Variants in EXT1 observed in about 807,000 individuals in gnomAD.
The protein encoded by EXT1 is exostosin-1.
A neutral mutation model predicts 82.5 loss-of-function variants in EXT1; 20 were observed. The ratio of observed to expected loss-of-function variants is 0.24; its 90% CI spans 0.17 to 0.35. EXT1 has a LOEUF of 0.35. Ranked by LOEUF, EXT1 falls within the 10% of genes least tolerant of loss-of-function variation. The pLI, the probability that EXT1 is intolerant of heterozygous loss-of-function variation, is 1.00. For missense variants in EXT1, 757 were observed against 936.5 expected (o/e 0.81, Z 2.50); for synonymous variants, 348 against 350.8 (o/e 0.99, Z 0.09).
At chr8:117,998,090 T>C (rs1438239955) in intron 1 of EXT1, among the ~76,000 whole-genome samples, 8 of 151,198 alleles carry the variant, frequency 5.3e-5, no homozygotes, top group African/African-American at 1.9e-4. Flanking sequence ...CTTGGCTCAC[T>C]GCAACCTCCG....
intron 1 of EXT1, among the ~76,000 whole-genome samples, chr8:118,008,967 A>G (rs781767588): frequency 6.6e-6 from 1 of 152,182 alleles, no homozygotes; most frequent in African/African-American, 2.4e-5. Flanking sequence ...TTATCTACGC[A>G]AGTATATCTG....
chr8:117,992,770 G>A (rs566365921), intron 1 of EXT1, among the ~76,000 whole-genome samples: 2 of 152,284 alleles, frequency 1.3e-5, no homozygotes, highest in African/African-American at 2.4e-5. Flanking sequence ...CAGGAGGATC[G>A]CCATAACAAG....
chr8:118,054,001 G>C (rs1262587962), intron 1 of EXT1, among the ~76,000 whole-genome samples: 1 of 152,188 alleles, frequency 6.6e-6, no homozygotes, highest in East Asian at 1.9e-4. Context: ...CATGTGTATG[G>C]GGGTGAAGAA....
chr8:118,107,848 G>C (rs2130036113), intron 1 of EXT1, among the ~76,000 whole-genome samples: 1 of 152,274 alleles, frequency 6.6e-6, no homozygotes, highest in African/African-American at 2.4e-5. Context: ...ACCATCCCGG[G>C]CTACATGCAA....
At chr8:117,984,782 C>A (rs1365094843) in intron 1 of EXT1, among the ~76,000 whole-genome samples, 1 of 152,016 alleles carries the variant, frequency 6.6e-6, no homozygotes, top group Non-Finnish European at 1.5e-5. Context: ...AGAGACTGGA[C>A]AGGATTTGAA....
At chr8:118,098,181 A>T (rs1021140101) in intron 1 of EXT1, among the ~76,000 whole-genome samples, 2 of 152,170 alleles carry the variant, frequency 1.3e-5, no homozygotes, top group African/African-American at 4.8e-5. Context: ...GATTTCTACC[A>T]ATCCGTCAGG....
intron 1 of EXT1, among the ~76,000 whole-genome samples, chr8:117,953,229 C>T (rs1052537422): frequency 1.2e-4 from 17 of 145,738 alleles, no homozygotes; most frequent in African/African-American, 4.4e-4. Context: ...GATAGATATA[C>T]ATATATATAC....
At chr8:117,952,085 T>C (rs1814500512) in intron 1 of EXT1, among the ~76,000 whole-genome samples, 1 of 152,174 alleles carries the variant, frequency 6.6e-6, no homozygotes, top group South Asian at 2.1e-4. Flanking sequence ...CAGAAATTAT[T>C]AGTATCAGAA....
At chr8:117,806,193 G>A (rs1014274725) in intron 9 of EXT1, among the ~76,000 whole-genome samples, 1 of 152,086 alleles carries the variant, frequency 6.6e-6, no homozygotes, top group East Asian at 1.9e-4. Flanking sequence ...TTCCTAATAG[G>A]GCTTCTGCTT....
intron 1 of EXT1, among the ~76,000 whole-genome samples, chr8:118,055,916 C>T (rs1268108684): frequency 7.2e-5 from 11 of 151,984 alleles, no homozygotes; most frequent in Admixed American, 7.2e-4. Context: ...CAGATTTTAC[C>T]TTAAGTGACC....
chr8:118,003,511 T>C (rs191662351), intron 1 of EXT1, among the ~76,000 whole-genome samples: 132 of 152,292 alleles, frequency 8.7e-4, no homozygotes, highest in Non-Finnish European at 1.5e-4. Context: ...AGATCCAAAA[T>C]CAAAGAAGGG....
At chr8:117,946,713 G>A (rs908728157) in intron 1 of EXT1, among the ~76,000 whole-genome samples, 1 of 150,342 alleles carries the variant, frequency 6.7e-6, no homozygotes, top group African/African-American at 2.4e-5. Context: ...GGGTGGGAGG[G>A]CCCACGGCCT....
At chr8:117,965,240 C>T (rs1459059007) in intron 1 of EXT1, among the ~76,000 whole-genome samples, 1 of 151,674 alleles carries the variant, frequency 6.6e-6, no homozygotes, top group Non-Finnish European at 1.5e-5. Flanking sequence ...TTTCTTTAGT[C>T]CTAAGCACAG....
chr8:117,893,893 C>T (rs759281733), intron 1 of EXT1, among the ~76,000 whole-genome samples: 3 of 152,198 alleles, frequency 2.0e-5, no homozygotes, highest in East Asian at 3.8e-4. Context: ...AGAATCCCCA[C>T]GCTGGTTATC....
In EXT1 at chr8:118,084,818, C is replaced by T. The variant is rs17506135; in HGVS notation, c.962+25267G>A. Among the ~76,000 whole-genome samples, 706 of 152,242 alleles carry T rather than the reference C, an allele frequency of 4.6e-3. 6 individuals are homozygous for T. The highest frequency in any genetic ancestry group is 0.016 in the African/African-American group (674 of 41,524). ...AAGTCTTGGTCTCACTTTCCTCATC[C>T]GTATTAATAAAATGGAGACTGGCCT... On this transcript the variant is annotated intron_variant, in intron 1 of 10. Transcript: ENST00000378204.
intron 1 of EXT1, among the ~76,000 whole-genome samples, chr8:118,083,001 C>T (rs1467673183): frequency 1.3e-5 from 2 of 152,222 alleles, no homozygotes; most frequent in African/African-American, 2.4e-5. Context: ...CACCAGGATA[C>T]GCCCTGGAGT....
intron 1 of EXT1, among the ~76,000 whole-genome samples, chr8:118,053,966 G>T (rs1299450290): frequency 6.6e-6 from 1 of 152,108 alleles, no homozygotes; most frequent in African/African-American, 2.4e-5. Context: ...GGCACATCTG[G>T]CAGTCAGGAG....
intron 1 of EXT1, among the ~76,000 whole-genome samples, chr8:117,987,600 G>C (rs1215240825): frequency 6.6e-6 from 1 of 152,228 alleles, no homozygotes; most frequent in South Asian, 2.1e-4. Flanking sequence ...ATCAAAATCA[G>C]AGTCAAATCT....
intron 1 of EXT1, among the ~76,000 whole-genome samples, chr8:117,994,920 C>A (rs186263984): frequency 2.6e-5 from 4 of 152,104 alleles, no homozygotes; most frequent in Non-Finnish European, 4.4e-5. Flanking sequence ...GCTATTTGGA[C>A]GTTAATTTGC....
Sources: gnomAD v4.1 joint callset for allele counts (sites outside exome capture counted in the v4.1 genomes callset) on GRCh38, gnomAD v4.1.1 for gene constraint, MANE v1.5 for transcripts, NCBI Gene and HGNC (gene_info 2026-07-23, HGNC 2026-07-21) for gene names.